The following RUNDC3B variants were observed in gnomAD, a reference collection of about 807,000 sequenced individuals.
RUNDC3B encodes RUN domain containing 3B, also known as RUN domain-containing protein 3B.
In RUNDC3B, 33 loss-of-function variants were observed where a neutral mutation model predicts 58.4. The ratio of observed to expected loss-of-function variants is 0.56; its 90% CI spans 0.43 to 0.75. The LOEUF (loss-of-function observed/expected upper bound fraction) is 0.75. Ranked by LOEUF, RUNDC3B falls within the 30% of genes least tolerant of loss-of-function variation. RUNDC3B has a pLI of 0.00. For missense variants in RUNDC3B, 501 were observed against 535.7 expected (o/e 0.94, Z 0.64); for synonymous variants, 193 against 195.2 (o/e 0.99, Z 0.10).
At chr7:87,741,073 TG>T (rs1360843289) in intron 5 of RUNDC3B, among the ~76,000 whole-genome samples, 2 of 151,874 alleles carry the variant, frequency 1.3e-5, no homozygotes, top group Non-Finnish European at 2.9e-5. Flanking sequence ...GGCATGGTAG[TG>T]GGTGCCTGTA....
intron 6 of RUNDC3B, among the ~76,000 whole-genome samples, chr7:87,753,187 A>G (rs1161913183): frequency 6.6e-6 from 1 of 150,568 alleles, no homozygotes; most frequent in Non-Finnish European, 1.5e-5. Context: ...AGCGGTTTTG[A>G]GTGAGATTCT....
intron 10 of RUNDC3B, among the ~76,000 whole-genome samples, 159 bp downstream of exon 10, chr7:87,816,421 CGT>C (rs766330547): frequency 2.6e-5 from 4 of 152,186 alleles, no homozygotes; most frequent in East Asian, 3.8e-4. Context: ...GTGTCTTTCT[CGT>C]GTGTGTGTGG....
chr7:87,636,703 A>G (rs1563091812), intron 1 of RUNDC3B, among the ~76,000 whole-genome samples: 1 of 152,134 alleles, frequency 6.6e-6, no homozygotes, highest in African/African-American at 2.4e-5. Flanking sequence ...TCAACAATCC[A>G]TCTGTAGTTT....
At chr7:87,661,359 T>C (rs1445094186) in intron 2 of RUNDC3B, among the ~76,000 whole-genome samples, 2 of 151,910 alleles carry the variant, frequency 1.3e-5, no homozygotes, top group African/African-American at 2.4e-5. Context: ...ATCTTATTAG[T>C]TCTATCTAAC....
chr7:87,716,615 T>G (rs1830569643), intron 4 of RUNDC3B, among the ~76,000 whole-genome samples: 1 of 152,138 alleles, frequency 6.6e-6, no homozygotes, highest in South Asian at 2.1e-4. Flanking sequence ...CTCCATCAGA[T>G]AGGAATAAGA....
At chr7:87,789,165 C>T (rs1835394082) in intron 8 of RUNDC3B, among the ~76,000 whole-genome samples, 1 of 152,182 alleles carries the variant, frequency 6.6e-6, no homozygotes, top group Non-Finnish European at 1.5e-5. Context: ...GCTTGCAAAG[C>T]TTGAACACAT....
intron 8 of RUNDC3B, 67 bp from the exon 9 acceptor site, chr7:87,807,306 A>G: frequency 1.3e-6 from 2 of 1,505,768 alleles, no homozygotes; most frequent in South Asian, 2.4e-5. Context: ...CTAAATTGAT[A>G]CCATTAGGTT....
chr7:87,788,847 A>T (rs2130902882), intron 8 of RUNDC3B, among the ~76,000 whole-genome samples: 1 of 152,214 alleles, frequency 6.6e-6, no homozygotes, highest in South Asian at 2.1e-4. Context: ...AATTGGTGGA[A>T]AAACTTCAGT....
chr7:87,703,915 T>TTTTTTTTTTTTTTTTTTTTTTTTTTTG (rs1563147558), intron 3 of RUNDC3B, among the ~76,000 whole-genome samples: 2 of 18,530 alleles, frequency 1.1e-4, no homozygotes, highest in African/African-American at 2.1e-4. Flanking sequence ...TTTTTTTTGG[T>TTTTTTTTTTTTTTTTTTTTTTTTTTTG]TTTTTTTTTT....
intron 1 of RUNDC3B, among the ~76,000 whole-genome samples, chr7:87,635,692 G>A (rs1413317205): frequency 6.6e-6 from 1 of 152,124 alleles, no homozygotes; most frequent in Non-Finnish European, 1.5e-5. Context: ...CATTTTTGTG[G>A]TAGGGCACAA....
At chr7:87,776,601 T>C (rs1834647064) in intron 7 of RUNDC3B, among the ~76,000 whole-genome samples, 1 of 152,056 alleles carries the variant, frequency 6.6e-6, no homozygotes. Flanking sequence ...AAAGTATTGG[T>C]GATTAATCTA....
At chr7:87,668,993 T>G (rs1388951676) in intron 2 of RUNDC3B, among the ~76,000 whole-genome samples, 1 of 152,006 alleles carries the variant, frequency 6.6e-6, no homozygotes, top group East Asian at 1.9e-4. Flanking sequence ...TATCCGAGCC[T>G]TTTGGTTTAA....
chr7:87,672,675 T>A (rs1472509417), intron 2 of RUNDC3B, among the ~76,000 whole-genome samples: 1 of 152,116 alleles, frequency 6.6e-6, no homozygotes, highest in Non-Finnish European at 1.5e-5. Flanking sequence ...TAGCTCTGTC[T>A]GTGAGACCGA....
chr7:87,807,011 TCTTTA>T (rs1836471853), intron 8 of RUNDC3B, among the ~76,000 whole-genome samples: 1 of 152,116 alleles, frequency 6.6e-6, no homozygotes, highest in Non-Finnish European at 1.5e-5. Context: ...ACACATGGAA[TCTTTA>T]CTTATTAAAT....
At chr7:87,727,784 A>G (rs1463585843) in intron 4 of RUNDC3B, among the ~76,000 whole-genome samples, 1 of 152,176 alleles carries the variant, frequency 6.6e-6, no homozygotes, top group Admixed American at 6.5e-5. Context: ...ATGACACTGT[A>G]ATGAGTATGA....
chr7:87,798,376 A>G (rs73706924), intron 8 of RUNDC3B, among the ~76,000 whole-genome samples: 15,979 of 152,166 alleles, frequency 0.11, 1,054 homozygotes, highest in African/African-American at 0.19. Context: ...GTATGATATT[A>G]CAAAACACTT....
intron 1 of RUNDC3B, among the ~76,000 whole-genome samples, chr7:87,630,248 T>C (rs1467662613): frequency 6.6e-6 from 1 of 152,234 alleles, no homozygotes; most frequent in Non-Finnish European, 1.5e-5. Context: ...TACAGATAAT[T>C]ATTCCAGGAC....
intron 3 of RUNDC3B, among the ~76,000 whole-genome samples, chr7:87,710,216 C>T (rs1583956108): frequency 6.6e-6 from 1 of 152,082 alleles, no homozygotes. Flanking sequence ...TGAGAGGGCT[C>T]ATTTTAATTA....
intron 2 of RUNDC3B, among the ~76,000 whole-genome samples, chr7:87,692,837 T>G (rs894029382): frequency 6.6e-6 from 1 of 152,252 alleles, no homozygotes; most frequent in African/African-American, 2.4e-5. Context: ...AATATGAGCT[T>G]TAACTGTCGT....
Sources: allele counts gnomAD v4.1 joint callset (sites outside exome capture counted in the v4.1 genomes callset), GRCh38; gene constraint gnomAD v4.1.1; transcripts MANE v1.5; gene names NCBI Gene and HGNC (gene_info 2026-07-23, HGNC 2026-07-21).